Variants in RNF152 observed in about 807,000 individuals in gnomAD.
The protein encoded by RNF152 is E3 ubiquitin-protein ligase RNF152.
A neutral mutation model predicts 12.7 loss-of-function variants in RNF152; 11 were observed. The observed-to-expected ratio is 0.86, with a 90% CI of 0.54 to 1.43. The LOEUF (loss-of-function observed/expected upper bound fraction) is 1.43, where lower values mean the gene tolerates loss of function less well. Ranked by LOEUF, RNF152 falls within the 40% of genes most tolerant of loss-of-function variation. The probability of loss-of-function intolerance (pLI) is 0.00; values close to 1 mark genes in which losing one functional copy is unlikely to be tolerated. For missense variants in RNF152, 255 were observed against 274.8 expected (o/e 0.93, Z 0.51); for synonymous variants, 113 against 120.3 (o/e 0.94, Z 0.40).
intron 1 of RNF152, among the ~76,000 whole-genome samples, chr18:61,835,191 T>A (rs1910124367): frequency 6.6e-6 from 1 of 152,174 alleles, no homozygotes; most frequent in South Asian, 2.1e-4. Context: ...AAAATACAGC[T>A]CCACAGTACA....
chr18:61,849,504 T>C (rs1369830243), intron 1 of RNF152, among the ~76,000 whole-genome samples: 2 of 152,168 alleles, frequency 1.3e-5, no homozygotes, highest in East Asian at 1.9e-4. Context: ...ACGAAGGGGA[T>C]TGAAGTAACC....
intron 1 of RNF152, among the ~76,000 whole-genome samples, chr18:61,849,187 A>T (rs1910864620): frequency 1.3e-5 from 2 of 152,188 alleles, no homozygotes; most frequent in Non-Finnish European, 2.9e-5. Context: ...CGGGGGCTTC[A>T]CCAGCTCACA....
chr18:61,853,422 T>A (rs2144698960), intron 1 of RNF152, among the ~76,000 whole-genome samples: 1 of 151,888 alleles, frequency 6.6e-6, no homozygotes, highest in South Asian at 2.1e-4. Context: ...CCTGAGTAGC[T>A]GAGACTACAG....
intron 1 of RNF152, among the ~76,000 whole-genome samples, chr18:61,862,055 TC>T (rs1194041499): frequency 2.0e-5 from 3 of 152,166 alleles, no homozygotes; most frequent in Non-Finnish European, 2.9e-5. Context: ...AGAAGAACCT[TC>T]CTTCCCAGAA....
chr18:61,861,743 T>C (rs1236169003), intron 1 of RNF152, among the ~76,000 whole-genome samples: 7 of 152,146 alleles, frequency 4.6e-5, no homozygotes, highest in Non-Finnish European at 5.9e-5. Context: ...GAAGGGAAGC[T>C]GGCATGTGCA....
intron 1 of RNF152, among the ~76,000 whole-genome samples, chr18:61,853,989 G>C (rs901296191): frequency 3.3e-5 from 5 of 152,126 alleles, no homozygotes; most frequent in African/African-American, 1.2e-4. Context: ...CAGGCTCAAG[G>C]TTGCCTGAGG....
chr18:61,831,519 T>C (rs1259055301), intron 1 of RNF152, among the ~76,000 whole-genome samples: 1 of 152,176 alleles, frequency 6.6e-6, no homozygotes, highest in Non-Finnish European at 1.5e-5. Flanking sequence ...AATAAGAATA[T>C]TCAACTTTCT....
At chr18:61,827,761 A>G (rs973661418) in intron 1 of RNF152, among the ~76,000 whole-genome samples, 4 of 152,216 alleles carry the variant, frequency 2.6e-5, no homozygotes, top group African/African-American at 7.2e-5. Flanking sequence ...AGGCATTGGT[A>G]CTAAAATTAA....
intron 1 of RNF152, among the ~76,000 whole-genome samples, chr18:61,857,540 C>T (rs1049476545): frequency 3.3e-5 from 5 of 152,270 alleles, no homozygotes; most frequent in Admixed American, 2.6e-4. Flanking sequence ...ATGTTCCCCA[C>T]AATCTGTTGT....
At chr18:61,819,598 C>G (rs1298006372) in intron 1 of RNF152, among the ~76,000 whole-genome samples, 3 of 152,030 alleles carry the variant, frequency 2.0e-5, no homozygotes, top group Non-Finnish European at 4.4e-5. Context: ...AAAAATGAAG[C>G]CTTTAGAGGA....
At chr18:61,851,594 G>A (rs1050730263) in intron 1 of RNF152, among the ~76,000 whole-genome samples, 1 of 152,158 alleles carries the variant, frequency 6.6e-6, no homozygotes, top group African/African-American at 2.4e-5. Context: ...AACTACCTGA[G>A]TATCCCCCAC....
chr18:61,881,206 C>G (rs1390768618), intron 1 of RNF152, among the ~76,000 whole-genome samples: 1 of 152,168 alleles, frequency 6.6e-6, no homozygotes, highest in East Asian at 1.9e-4. Flanking sequence ...TCCACCGCAC[C>G]CGGCCTTCTC....
In RNF152 at chr18:61,812,264, G is replaced by C. The variant is rs1908839432; in HGVS notation, c.*3588C>G. ...GTAACCCCATTTTAACTGCCTAAAA[G>C]TCAATGTGCCTGGTGGCTACCGTAC... On this transcript the variant is annotated 3_prime_UTR_variant, in exon 2 of 2. Coordinates refer to ENST00000312828, the MANE Select transcript of RNF152 (RefSeq NM_173557.3). The C allele has an allele frequency of 1.3e-5, 2 of 152,260 alleles. No homozygotes were observed. Among genetic ancestry groups the C allele is most frequent in the African/African-American group, 4.8e-5 (2 of 41,552 alleles). 9.4% of individuals were successfully genotyped at this position (152,260 alleles called of 1,614,324 possible). A position where few individuals can be genotyped will look rare whatever the true frequency, so the allele number is the denominator to read the frequency against.
upstream of RNF152, chr18:61,893,221 T>C (rs540916209): frequency 6.6e-6 from 1 of 152,126 alleles, no homozygotes; most frequent in South Asian, 2.1e-4. Context: ...GGGAATAACA[T>C]CTTGGGGCAA....
At position 61,816,186 on chromosome 18, in the gene RNF152, T is replaced by C; in HGVS notation, c.278A>G (p.Lys93Arg). The C allele has an allele frequency of 3.1e-6, 5 of 1,614,202 alleles. No homozygotes were observed. Among genetic ancestry groups the C allele is most frequent in the East Asian group, 2.2e-5 (1 of 44,878 alleles). ...HTSEHTPVFI[K>R]LPSNGCYMLP... is the part of the protein sequence containing the mutation. The stretch of plus-strand genomic sequence containing the variant: ...CATGTAGCACCCATTGCTGGGAAGT[T>C]TGATGAAGACCGGGGTGTGTTCGGA... Residue 93 changes from lysine to arginine, a missense_variant, in exon 2 of 2, where the codon AAA becomes AGA. Physicochemically the swap from Lys to Arg is conservative, Grantham distance 26. Coordinates refer to ENST00000312828, the MANE Select transcript of RNF152 (RefSeq NM_173557.3).
chr18:61,891,769 T>C (rs955721049), intron 1 of RNF152, among the ~76,000 whole-genome samples: 2 of 152,178 alleles, frequency 1.3e-5, no homozygotes, highest in Admixed American at 6.5e-5. Flanking sequence ...ATCTTTCAAG[T>C]TTTTAACTTC....
At position 61,849,627 on chromosome 18, in the gene RNF152, A is replaced by G. The variant is rs191982386; in HGVS notation, c.-135-33029T>C. On this transcript the variant is annotated intron_variant, in intron 1 of 1. Coordinates refer to ENST00000312828, the MANE Select transcript of RNF152 (RefSeq NM_173557.3). Reference sequence around the variant, plus strand: ...AAAGTTCTTAAAACTATGGTTTTAGATTATCCAAAACAAAATGGATCTCTC... The same window carrying G: ...AAAGTTCTTAAAACTATGGTTTTAGGTTATCCAAAACAAAATGGATCTCTC... Among the ~76,000 whole-genome samples the G allele has an allele frequency of 7.9e-5, 12 of 152,356 alleles. No homozygotes were observed. In the East Asian group the frequency reaches 2.3e-3, roughly 29 times the overall value.
At chr18:61,870,820 C>T (rs1322468573) in intron 1 of RNF152, among the ~76,000 whole-genome samples, 1 of 152,118 alleles carries the variant, frequency 6.6e-6, no homozygotes, top group South Asian at 2.1e-4. Flanking sequence ...TCTCTGTTCC[C>T]CTAACTCCTT....
intron 1 of RNF152, among the ~76,000 whole-genome samples, chr18:61,879,961 A>G (rs969245503): frequency 3.2e-5 from 4 of 124,410 alleles, no homozygotes; most frequent in African/African-American, 1.1e-4. Context: ...GCGAAACTCC[A>G]TCTCAAAAAA....
Sources: allele counts gnomAD v4.1 joint callset (sites outside exome capture counted in the v4.1 genomes callset), GRCh38; gene constraint gnomAD v4.1.1; transcripts MANE v1.5; gene names NCBI Gene and HGNC (gene_info 2026-07-23, HGNC 2026-07-21).